The following IGSF23 variants were observed in gnomAD, a reference collection of about 807,000 sequenced individuals.
The protein encoded by IGSF23 is immunoglobulin superfamily member 23, also known as immunoglobulin superfamily, member 23.
A neutral mutation model predicts 17.8 loss-of-function variants in IGSF23; 14 were observed. That is an observed-to-expected ratio of 0.79 (90% CI 0.52 to 1.23). The LOEUF (loss-of-function observed/expected upper bound fraction) is 1.23. IGSF23 is among the 50% of genes most tolerant of loss of function. The pLI is 0.00. For synonymous variants in IGSF23, 85 were observed against 92.5 expected (o/e 0.92, Z 0.46); for missense variants, 214 against 241.7 (o/e 0.89, Z 0.76).
At chr19:44,623,663 G>A in intron 1 of IGSF23, 44 bp from the exon 2 acceptor site, 1 of 1,535,610 alleles carries the variant, frequency 6.5e-7, no homozygotes, top group Non-Finnish European at 8.8e-7. Context: ...GCTTTTCTGA[G>A]TGGACTCCAC....
intron 3 of IGSF23, 48 bp from the exon 4 acceptor site, chr19:44,635,352 CT>C (rs1424051662): frequency 3.5e-5 from 22 of 625,188 alleles, no homozygotes; most frequent in Non-Finnish European, 4.8e-5. Context: ...TTCTTATTCT[CT>C]CTCTCTCTCT....
At chr19:44,634,647 C>T (rs1972845631) in intron 3 of IGSF23, among the ~76,000 whole-genome samples, 2 of 152,068 alleles carry the variant, frequency 1.3e-5, no homozygotes, top group South Asian at 4.1e-4. Flanking sequence ...GAGGGTCAGG[C>T]CACTATTTAT....
At chr19:44,625,708 T>C (rs1477668546) in intron 2 of IGSF23, among the ~76,000 whole-genome samples, 1 of 152,156 alleles carries the variant, frequency 6.6e-6, no homozygotes, top group African/African-American at 2.4e-5. Context: ...GAGGGACACA[T>C]GGTGATATGG....
intron 3 of IGSF23, among the ~76,000 whole-genome samples, chr19:44,632,031 A>C (rs1463175156): frequency 1.3e-5 from 2 of 152,250 alleles, no homozygotes; most frequent in African/African-American, 2.4e-5. Context: ...TAGGGGACCA[A>C]TTAATAATGA....
At chr19:44,634,571 GC>G (rs1238806035) in intron 3 of IGSF23, among the ~76,000 whole-genome samples, 5 of 152,098 alleles carry the variant, frequency 3.3e-5, no homozygotes, top group Non-Finnish European at 5.9e-5. Flanking sequence ...GTCGCTCCAG[GC>G]GCTGCTCGAA....
At chr19:44,634,856 C>G (rs1176673487) in intron 3 of IGSF23, among the ~76,000 whole-genome samples, 2 of 150,802 alleles carry the variant, frequency 1.3e-5, no homozygotes, top group African/African-American at 4.9e-5. Context: ...ATACTTCCCT[C>G]CAAAGACAGG....
intron 1 of IGSF23, among the ~76,000 whole-genome samples, chr19:44,617,583 T>C (rs1192493517): frequency 6.6e-6 from 1 of 152,184 alleles, no homozygotes; most frequent in East Asian, 1.9e-4. Context: ...AGTGGCAAGG[T>C]TATAACTTAA....
intron 2 of IGSF23, among the ~76,000 whole-genome samples, chr19:44,625,315 C>T (rs776951834): frequency 3.3e-5 from 5 of 152,066 alleles, no homozygotes; most frequent in Non-Finnish European, 7.4e-5. Flanking sequence ...GCTCAATAAC[C>T]GTGAGCCAAT....
intron 1 of IGSF23, among the ~76,000 whole-genome samples, chr19:44,615,658 T>C (rs912194153): frequency 6.6e-6 from 1 of 151,748 alleles, no homozygotes; most frequent in African/African-American, 2.4e-5. Flanking sequence ...TTCCATGTAA[T>C]TTTAAAACCT....
chr19:44,617,539 C>T (rs1341061109), intron 1 of IGSF23, among the ~76,000 whole-genome samples: 1 of 152,142 alleles, frequency 6.6e-6, no homozygotes, highest in Admixed American at 6.5e-5. Context: ...TAAATATACA[C>T]AATTTGTATT....
intron 3 of IGSF23, among the ~76,000 whole-genome samples, chr19:44,632,013 C>G (rs1197626902): frequency 6.6e-6 from 1 of 152,218 alleles, no homozygotes; most frequent in African/African-American, 2.4e-5. Flanking sequence ...TTAAGCTAAA[C>G]ATCCCTTTAG....
intron 3 of IGSF23, among the ~76,000 whole-genome samples, chr19:44,632,791 A>C (rs576488862): frequency 6.6e-6 from 1 of 152,312 alleles, no homozygotes; most frequent in Admixed American, 6.5e-5. Flanking sequence ...AGGCTCAAAA[A>C]ATTTAAAGTT....
chr19:44,615,808 A>G (rs765298877), intron 1 of IGSF23, among the ~76,000 whole-genome samples: 3 of 140,886 alleles, frequency 2.1e-5, no homozygotes, highest in Admixed American at 8.0e-5. Context: ...CGGAGGGCAG[A>G]GGGGAGGAAG....
chr19:44,625,507 C>T (rs552882749), intron 2 of IGSF23, among the ~76,000 whole-genome samples: 1 of 152,140 alleles, frequency 6.6e-6, no homozygotes, highest in Admixed American at 6.6e-5. Flanking sequence ...GGTAACTTAG[C>T]GCAAGTGACT....
intron 2 of IGSF23, among the ~76,000 whole-genome samples, chr19:44,625,331 T>G (rs1357451833): frequency 1.3e-5 from 2 of 152,166 alleles, no homozygotes; most frequent in Non-Finnish European, 2.9e-5. Context: ...CCAATAACAC[T>G]GTTGCAATTA....
chr19:44,629,003 T>C (rs544985036), intron 3 of IGSF23, among the ~76,000 whole-genome samples: 2 of 152,154 alleles, frequency 1.3e-5, no homozygotes, highest in East Asian at 1.9e-4. Flanking sequence ...TTGCCTGGCA[T>C]GTTCAGGAAA....
rs140390397 is a variant in IGSF23, at chr19:44,614,470, T to C, written c.125+700T>C. ...TGTTTTGAGACAAGGTCTTGCTCTG[T>C]TGTCCAGGCTACAGTGCAGTGGCCC... is the stretch of plus-strand genomic sequence containing the variant. On this transcript the variant is annotated intron_variant, in intron 1 of 4. Coordinates refer to ENST00000402988, the MANE Select transcript of IGSF23 (RefSeq NM_001205280.2). Among the ~76,000 whole-genome samples, 3 of 152,328 alleles carry C rather than the reference T, an allele frequency of 2.0e-5. No individual in the cohort carries two copies. In the East Asian group the frequency reaches 5.8e-4, roughly 29 times the overall value.
In IGSF23 at chr19:44,620,231, T is replaced by A. The variant is rs115530675; in HGVS notation, c.126-3476T>A. Among the ~76,000 whole-genome samples the A allele has an allele frequency of 7.7e-3, 1,172 of 151,984 alleles. 15 individuals are homozygous for A. Among genetic ancestry groups the A allele is most frequent in the African/African-American group, 0.027 (1,102 of 41,440 alleles). On this transcript the variant is annotated intron_variant, in intron 1 of 4. Transcript: ENST00000402988. The stretch of plus-strand genomic sequence containing the variant: ...TTGCAATGAGCCAAGACCATGCCAC[T>A]GCACACTTAGAACCCCACTTCTGCA...
chr19:44,625,386 T>C (rs1972622361), intron 2 of IGSF23, among the ~76,000 whole-genome samples: 1 of 152,152 alleles, frequency 6.6e-6, no homozygotes, highest in African/African-American at 2.4e-5. Flanking sequence ...ACAGTCGGTA[T>C]ATGGAGCCCT....
Sources: allele counts gnomAD v4.1 joint callset (sites outside exome capture counted in the v4.1 genomes callset), GRCh38; gene constraint gnomAD v4.1.1; transcripts MANE v1.5; gene names NCBI Gene and HGNC (gene_info 2026-07-23, HGNC 2026-07-21).